Variants in SFMBT1 observed in about 807,000 individuals in gnomAD.
SFMBT1 encodes scm-like with four MBT domains protein 1.
Under a neutral mutation model 108.7 loss-of-function variants are expected in SFMBT1, and 32 were observed. That is an observed-to-expected ratio of 0.29 (90% CI 0.22 to 0.40). The LOEUF (loss-of-function observed/expected upper bound fraction) is 0.40. Among genes scored for constraint, SFMBT1 ranks in the 10% least tolerant of loss-of-function variants. The probability of loss-of-function intolerance (pLI) is 1.00; values close to 1 mark genes in which losing one functional copy is unlikely to be tolerated. For missense variants in SFMBT1, 816 were observed against 1,059.6 expected, an observed-to-expected ratio of 0.77 and a Z score of 3.19; for synonymous variants, 348 against 369.5, an observed-to-expected ratio of 0.94 and a Z score of 0.67.
chr3:52,910,504 GGA>G (rs1433614570), intron 17 of SFMBT1, among the ~76,000 whole-genome samples: 1 of 150,236 alleles, frequency 6.7e-6, no homozygotes, highest in African/African-American at 2.4e-5. Context: ...CTTTTTTTTT[GGA>G]GACACAGAGT....
chr3:52,953,276 C>G (rs1295921541), intron 3 of SFMBT1, among the ~76,000 whole-genome samples: 1 of 152,222 alleles, frequency 6.6e-6, no homozygotes, highest in East Asian at 1.9e-4. Context: ...GACTGGCCGA[C>G]ATGGTGAAAC....
chr3:53,045,741 C>G (rs957327930), intron 1 of SFMBT1, 75 bp downstream of exon 1: 3 of 149,222 alleles, frequency 2.0e-5, no homozygotes, highest in Non-Finnish European at 4.5e-5. Flanking sequence ...GCCGTACGGT[C>G]CCCCGCCCCG....
At chr3:52,985,222 A>G (rs999524761) in intron 1 of SFMBT1, among the ~76,000 whole-genome samples, 6 of 152,206 alleles carry the variant, frequency 3.9e-5, no homozygotes, top group African/African-American at 1.4e-4. Flanking sequence ...GTATTATAAA[A>G]AGATTATAGG....
At chr3:53,021,640 C>CT (rs1427938717) in intron 1 of SFMBT1, among the ~76,000 whole-genome samples, 1 of 152,004 alleles carries the variant, frequency 6.6e-6, no homozygotes, top group Non-Finnish European at 1.5e-5. Flanking sequence ...TCATCAGGGC[C>CT]TTTTTGGGAG....
chr3:52,943,236 C>T (rs1703243989), intron 4 of SFMBT1, 117 bp downstream of exon 4: 1 of 1,214,752 alleles, frequency 8.2e-7, no homozygotes, highest in Non-Finnish European at 1.2e-6. Context: ...AAAATGCTAA[C>T]CTAGAAAAGC....
rs570070057 is a variant in SFMBT1, at chr3:52,918,363, A to C, written c.1415+121T>G. 23 of 720,844 alleles carry C rather than the reference A, an allele frequency of 3.2e-5. No homozygotes were observed. The African/African-American group carries it at 4.1e-4, about 13-fold the overall frequency. 44.7% of individuals were successfully genotyped at this position (720,844 alleles called of 1,614,324 possible). On this transcript the variant is annotated intron_variant, in intron 13 of 20. Coordinates refer to ENST00000394752, the MANE Select transcript of SFMBT1 (RefSeq NM_016329.4). Reference sequence around the variant, plus strand: ...TACTGCAAAGAGAAGTATACAAATGATCAAATGTTGAATTAAAAAATTATG... The same window carrying C: ...TACTGCAAAGAGAAGTATACAAATGCTCAAATGTTGAATTAAAAAATTATG...
chr3:52,944,608 C>T (rs1036246275), intron 3 of SFMBT1, among the ~76,000 whole-genome samples: 6 of 152,226 alleles, frequency 3.9e-5, no homozygotes, highest in African/African-American at 1.2e-4. Context: ...CAACCTCTGC[C>T]TCCTGGGTAC....
chr3:53,018,911 C>T (rs1699210187), intron 1 of SFMBT1: 1 of 152,562 alleles, frequency 6.6e-6, no homozygotes, highest in Admixed American at 6.5e-5. Flanking sequence ...AGCTCTAAAG[C>T]TTGGAATTCC....
intron 3 of SFMBT1, among the ~76,000 whole-genome samples, chr3:52,945,377 ATAAG>A (rs1409049324): frequency 6.6e-6 from 1 of 152,042 alleles, no homozygotes; most frequent in Non-Finnish European, 1.5e-5. Flanking sequence ...ATAGATTTAA[ATAAG>A]TATCCATGAG....
chr3:52,921,479 G>T (rs1702517736), intron 11 of SFMBT1, among the ~76,000 whole-genome samples: 2 of 152,144 alleles, frequency 1.3e-5, no homozygotes, highest in Non-Finnish European at 2.9e-5. Flanking sequence ...GAAAATAGGG[G>T]ACTCTGTAGT....
intron 1 of SFMBT1, among the ~76,000 whole-genome samples, chr3:52,970,875 T>C (rs1575410873): frequency 6.6e-6 from 1 of 152,234 alleles, no homozygotes; most frequent in Non-Finnish European, 1.5e-5. Flanking sequence ...GGCTCATGCC[T>C]GTAATCCTAG....
At position 52,926,016 on chromosome 3, in the gene SFMBT1, C is replaced by T. The variant is rs761714211; in HGVS notation, c.1131+15G>A. 34 of 1,605,084 alleles carry T rather than the reference C, an allele frequency of 2.1e-5. No homozygotes were observed. The highest frequency in any genetic ancestry group is 1.6e-4 in the South Asian group (14 of 89,988). ...AGCCCTGCCATAGTGGCCATGAGGC[C>T]GTGGGGGTCCTCACCGGAGGGAAGC... On this transcript the variant is annotated intron_variant, in intron 10 of 20. Coordinates refer to ENST00000394752, the MANE Select transcript of SFMBT1 (RefSeq NM_016329.4).
intron 1 of SFMBT1, among the ~76,000 whole-genome samples, chr3:53,000,880 T>C (rs1244565301): frequency 1.3e-5 from 2 of 149,908 alleles, no homozygotes; most frequent in African/African-American, 2.4e-5. Flanking sequence ...TATCTACCAA[T>C]AGGTGGTTAG....
chr3:52,941,229 C>G (rs1480471033), intron 4 of SFMBT1, among the ~76,000 whole-genome samples: 1 of 152,190 alleles, frequency 6.6e-6, no homozygotes, highest in South Asian at 2.1e-4. Context: ...AGGAACTGTT[C>G]CAGATTATAG....
At chr3:52,949,310 G>A (rs552050847) in intron 3 of SFMBT1, among the ~76,000 whole-genome samples, 15 of 152,234 alleles carry the variant, frequency 9.9e-5, no homozygotes, top group Non-Finnish European at 1.8e-4. Context: ...GTCTATAGAT[G>A]TCCATTATAT....
intron 2 of SFMBT1, among the ~76,000 whole-genome samples, chr3:52,967,786 C>A (rs2106857002): frequency 6.6e-6 from 1 of 152,258 alleles, no homozygotes; most frequent in Middle Eastern, 3.4e-3. Context: ...TCACTACCCA[C>A]CTATCAGAAT....
intron 2 of SFMBT1, among the ~76,000 whole-genome samples, chr3:52,964,878 T>C (rs1215654428): frequency 6.6e-6 from 1 of 152,208 alleles, no homozygotes. Flanking sequence ...TCATCAAATG[T>C]ATACATATAC....
intron 1 of SFMBT1, among the ~76,000 whole-genome samples, chr3:53,026,892 C>T (rs368591991): frequency 1.3e-5 from 2 of 152,278 alleles, no homozygotes; most frequent in South Asian, 4.2e-4. Flanking sequence ...CCTCGACCTC[C>T]TGGGTTCAGC....
In SFMBT1 at chr3:52,984,821, G is replaced by A. The variant is rs558075354; in HGVS notation, c.-130-15563C>T. Reference sequence around the variant, plus strand: ...ATAATGAGTTTGGAAATATCAGGCTGACCACCCTATAAATCCCTGGTCCAC... The same window carrying A: ...ATAATGAGTTTGGAAATATCAGGCTAACCACCCTATAAATCCCTGGTCCAC... On this transcript the variant is annotated intron_variant, in intron 1 of 20. Coordinates refer to ENST00000394752, the MANE Select transcript of SFMBT1 (RefSeq NM_016329.4). 1.5e-3 allele frequency among the ~76,000 whole-genome samples: 218 copies of A among 150,080 alleles called. 1 individual carries two copies. Among genetic ancestry groups the A allele is most frequent in the Non-Finnish European group, 2.4e-3 (161 of 67,742 alleles).
Sources: allele counts gnomAD v4.1 joint callset (sites outside exome capture counted in the v4.1 genomes callset), GRCh38; gene constraint gnomAD v4.1.1; transcripts MANE v1.5; gene names NCBI Gene and HGNC (gene_info 2026-07-23, HGNC 2026-07-21).